The following EZH1 variants were observed in gnomAD, a reference collection of about 807,000 sequenced individuals.
The protein encoded by EZH1 is enhancer of zeste 1 polycomb repressive complex 2 subunit.
EZH1 carries 33 observed loss-of-function variants against 100.5 expected under a neutral mutation model. The ratio of observed to expected loss-of-function variants is 0.33; its 90% CI spans 0.25 to 0.44. The LOEUF (loss-of-function observed/expected upper bound fraction) is 0.44, where lower values mean the gene tolerates loss of function less well. Ranked by LOEUF, EZH1 falls within the 20% of genes least tolerant of loss-of-function variation. EZH1 has a pLI of 1.00. For synonymous variants in EZH1, 272 were observed against 313.8 expected (o/e 0.87, Z 1.41); for missense variants, 475 against 928.4 (o/e 0.51, Z 6.35).
intron 4 of EZH1, among the ~76,000 whole-genome samples, chr17:42,726,951 G>A (rs955235681): frequency 2.0e-5 from 3 of 152,074 alleles, no homozygotes; most frequent in Admixed American, 1.3e-4. Context: ...CTAGGTTCAA[G>A]AGGTTCTCAG....
At position 42,722,775 on chromosome 17, in the gene EZH1, A is replaced by G. The variant is rs760692454; in HGVS notation, c.487+20T>C. 6 of 1,603,416 alleles carry G rather than the reference A, an allele frequency of 3.7e-6. No homozygotes were observed. The South Asian group carries it at 6.8e-5, about 18-fold the overall frequency. ...GCCTGATTCTAACAAAATTTTCTCC[A>G]AGGAGTTCAGTACCACTACCTTCTT... On this transcript the variant is annotated intron_variant, in intron 6 of 20. Transcript: ENST00000428826.
intron 17 of EZH1, 69 bp from the exon 18 acceptor site, chr17:42,704,752 A>C (rs1403884579): frequency 1.6e-6 from 2 of 1,267,374 alleles, no homozygotes; most frequent in East Asian, 4.8e-5. Flanking sequence ...CCCTGCCCCC[A>C]GAAAGGGCTG....
At chr17:42,724,082 C>A (rs955137605) in intron 5 of EZH1, among the ~76,000 whole-genome samples, 2 of 152,120 alleles carry the variant, frequency 1.3e-5, no homozygotes, top group African/African-American at 4.8e-5. Context: ...TAAAAAAGAA[C>A]CAGCATCAAT....
At chr17:42,722,078 G>A (rs575676216) in intron 6 of EZH1, among the ~76,000 whole-genome samples, 1 of 149,840 alleles carries the variant, frequency 6.7e-6, no homozygotes, top group East Asian at 2.0e-4. Flanking sequence ...GAACCCGGGA[G>A]GCGGAGCTTA....
intron 1 of EZH1, among the ~76,000 whole-genome samples, chr17:42,743,188 T>G (rs1277106301): frequency 6.7e-6 from 1 of 149,374 alleles, no homozygotes; most frequent in South Asian, 2.2e-4. Context: ...TTTTTTTTTT[T>G]TTGACAGAAT....
rs1341114236 is a variant in EZH1 at position 42,701,265 on chromosome 17, ACT to A, written c.*1265_*1266del. 1.3e-5 allele frequency: 2 copies of A among 152,704 alleles called. No individual in the cohort carries two copies. Among genetic ancestry groups the A allele is most frequent in the Non-Finnish European group, 2.9e-5 (2 of 68,042 alleles). The allele number at this position is 152,704 out of a possible 1,614,324, so 9.5% of individuals were successfully genotyped here. On this transcript the variant is annotated 3_prime_UTR_variant, in exon 21 of 21. Coordinates refer to ENST00000428826, the MANE Select transcript of EZH1 (RefSeq NM_001991.5). ...AGGGACCCTAGAGACCTTAGGCCAA[ACT>A]CTACCCCAATCTATAGACCTTTTAA...
At chr17:42,730,175 G>T (rs770624706) in intron 2 of EZH1, among the ~76,000 whole-genome samples, 4 of 152,162 alleles carry the variant, frequency 2.6e-5, no homozygotes, top group Admixed American at 6.6e-5. Flanking sequence ...TAGCACTCAA[G>T]AAGTTCTCCC....
intron 10 of EZH1, among the ~76,000 whole-genome samples, chr17:42,714,847 T>C (rs566447110): frequency 2.5e-4 from 36 of 144,184 alleles, no homozygotes; most frequent in African/African-American, 8.9e-4. Context: ...TTTAAACATT[T>C]ATATATATTT....
intron 1 of EZH1, among the ~76,000 whole-genome samples, chr17:42,744,178 ATCCCTTCCCT>A (rs2054232617): frequency 1.3e-5 from 2 of 152,180 alleles, no homozygotes; most frequent in South Asian, 4.1e-4. Context: ...TCCTTCAGGT[ATCCCTTCCCT>A]TCCCTGCTCA....
chr17:42,708,133 G>A, intron 14 of EZH1, 50 bp from the exon 15 acceptor site: 2 of 1,537,984 alleles, frequency 1.3e-6, no homozygotes, highest in East Asian at 2.3e-5. Flanking sequence ...CTCTCCAGCT[G>A]TCTTCCCTCC....
chr17:42,737,664 T>G (rs1193902476), intron 1 of EZH1, among the ~76,000 whole-genome samples: 1 of 152,098 alleles, frequency 6.6e-6, no homozygotes, highest in African/African-American at 2.4e-5. Context: ...AAAAACAAAC[T>G]ATTCTAAAAA....
chr17:42,713,199 T>C lies in EZH1; in HGVS notation c.1204+10A>G. 1 of 1,611,994 alleles carries C rather than the reference T, an allele frequency of 6.2e-7. No individual in the cohort carries two copies. The highest frequency in any genetic ancestry group is 8.5e-7 in the Non-Finnish European group (1 of 1,179,384). ...GGAAAGAAAAAGTCTTCATTTTCTG[T>C]TCATCGTACCTGAAGAACTGGAGGC... is the stretch of plus-strand genomic sequence containing the variant. On this transcript the variant is annotated intron_variant, in intron 11 of 20. Transcript: ENST00000428826.
At chr17:42,719,404 AG>A (rs1263289001) in intron 7 of EZH1, among the ~76,000 whole-genome samples, 197 bp from the exon 8 acceptor site, 1 of 152,244 alleles carries the variant, frequency 6.6e-6, no homozygotes, top group African/African-American at 2.4e-5. Context: ...TAAGGAAGTT[AG>A]AGTAGTCTAC....
chr17:42,736,970 C>T (rs963016255), intron 1 of EZH1, among the ~76,000 whole-genome samples: 1 of 151,944 alleles, frequency 6.6e-6, no homozygotes, highest in African/African-American at 2.4e-5. Context: ...AACAGGAACT[C>T]CCTGTACTAG....
intron 11 of EZH1, among the ~76,000 whole-genome samples, chr17:42,712,715 C>T (rs535358619): frequency 6.6e-6 from 1 of 151,656 alleles, no homozygotes; most frequent in East Asian, 1.9e-4. Context: ...CCAGCCTGGG[C>T]AACATGGCGA....
intron 1 of EZH1, among the ~76,000 whole-genome samples, chr17:42,733,416 C>A (rs2053995107): frequency 6.6e-6 from 1 of 150,728 alleles, no homozygotes; most frequent in Admixed American, 6.6e-5. Context: ...CCGAGGTGGG[C>A]GGATCACGAG....
In EZH1 at chr17:42,718,339, T is replaced by A; in HGVS notation, c.931+115A>T. On this transcript the variant is annotated intron_variant, in intron 9 of 20. Transcript: ENST00000428826. The surrounding 1 kb of genome is among the most constrained non-coding windows in gnomAD (Gnocchi z 4.2). Reference sequence around the variant, plus strand: ...AAGGGAAAATAGAACTGGCCCTTTGTAAAACGTTAGAACAGAAGCCAGGAA... The same window carrying A: ...AAGGGAAAATAGAACTGGCCCTTTGAAAAACGTTAGAACAGAAGCCAGGAA... 1 of 1,387,174 alleles carries A rather than the reference T, an allele frequency of 7.2e-7. No homozygotes were observed. Among genetic ancestry groups the A allele is most frequent in the Non-Finnish European group, 9.7e-7 (1 of 1,026,990 alleles). The allele number at this position is 1,387,174 out of a possible 1,614,324, so 85.9% of individuals were successfully genotyped here.
Position 42,701,391 on chromosome 17 carries a change from A to C in EZH1, c.*1141T>G, listed in dbSNP as rs1027001010. 1 of 152,786 alleles carries C rather than the reference A, an allele frequency of 6.5e-6. No individual in the cohort carries two copies. The highest frequency in any genetic ancestry group is 6.5e-5 in the Admixed American group (1 of 15,278). 9.5% of individuals were successfully genotyped at this position (152,786 alleles called of 1,614,324 possible). A position where few individuals can be genotyped will look rare whatever the true frequency, so the allele number is the denominator to read the frequency against. Reference sequence around the variant, plus strand: ...ACCTGCTTCTTCTCCCACTTCAGATACCCTCTGCCAGTGTGCCCTGCACAC... The same window carrying C: ...ACCTGCTTCTTCTCCCACTTCAGATCCCCTCTGCCAGTGTGCCCTGCACAC... On this transcript the variant is annotated 3_prime_UTR_variant, in exon 21 of 21. Coordinates refer to ENST00000428826, the MANE Select transcript of EZH1 (RefSeq NM_001991.5).
chr17:42,730,147 G>A (rs533040098), intron 2 of EZH1, among the ~76,000 whole-genome samples: 1 of 152,244 alleles, frequency 6.6e-6, no homozygotes, highest in African/African-American at 2.4e-5. Context: ...GTCCTCCTGT[G>A]GTATCTTGTT....
Sources: gnomAD v4.1 joint callset for allele counts (sites outside exome capture counted in the v4.1 genomes callset) on GRCh38, gnomAD v4.1.1 for gene constraint, Gnocchi (gnomAD v3.1) non-coding constraint, MANE v1.5 for transcripts, NCBI Gene and HGNC (gene_info 2026-07-23, HGNC 2026-07-21) for gene names.